Variants in COL5A1 observed in about 807,000 individuals in gnomAD.
The protein encoded by COL5A1 is collagen type V alpha 1 chain, also known as collagen alpha-1(V) chain.
A neutral mutation model predicts 263.7 loss-of-function variants in COL5A1; 16 were observed. The observed-to-expected ratio is 0.06, with a 90% CI of 0.04 to 0.09. The LOEUF is 0.09. Ranked by LOEUF, COL5A1 falls within the 10% of genes least tolerant of loss-of-function variation. The pLI is 1.00. For missense variants in COL5A1, 2,036 were observed against 2,540.5 expected, an observed-to-expected ratio of 0.80 and a Z score of 4.27; for synonymous variants, 1,012 against 1,004.5, an observed-to-expected ratio of 1.01 and a Z score of -0.14.
chr9:134,788,502 G>A (rs1361881839), intron 31 of COL5A1, among the ~76,000 whole-genome samples: 5 of 151,312 alleles, frequency 3.3e-5, no homozygotes, highest in Admixed American at 2.6e-4. Context: ...GTGAATGGAT[G>A]GGTGGGCAGG....
At chr9:134,803,694 T>A (rs1252403620) in intron 39 of COL5A1, among the ~76,000 whole-genome samples, 1 of 151,442 alleles carries the variant, frequency 6.6e-6, no homozygotes, top group South Asian at 2.1e-4. Flanking sequence ...TACAAAAAAA[T>A]TAGCTGGGTG....
rs186257908 is a variant in COL5A1, at chr9:134,805,239, C to A, written c.3258+25C>A. 354 of 1,613,322 alleles carry A rather than the reference C, an allele frequency of 2.2e-4. No individual in the cohort carries two copies. In the African/African-American group the frequency reaches 4.0e-3, roughly 18 times the overall value. The stretch of plus-strand genomic sequence containing the variant: ...GGTGAGTCAAAGCCTTTGTCCCATC[C>A]TCTTTCTTGAATCCTACTCTCCAGG... On this transcript the variant is annotated intron_variant, in intron 41 of 65. Coordinates refer to ENST00000371817, the MANE Select transcript of COL5A1 (RefSeq NM_000093.5).
chr9:134,722,955 G>T (rs1371549008), intron 4 of COL5A1, among the ~76,000 whole-genome samples: 1 of 152,168 alleles, frequency 6.6e-6, no homozygotes. Flanking sequence ...CGCTAATCAG[G>T]GCCCCACTCT....
rs529605293 is a variant in COL5A1 at position 134,652,927 on chromosome 9, G to T, written c.109+10631G>T. The stretch of plus-strand genomic sequence containing the variant: ...CTAACGAAGTCAGTTCCCAGACCAC[G>T]CGGATGCTGGAGCGTCTGGGGGTGC... On this transcript the variant is annotated intron_variant, in intron 1 of 65. Coordinates refer to ENST00000371817, the MANE Select transcript of COL5A1 (RefSeq NM_000093.5). This position sits in a 1 kb window ranked among gnomAD's most constrained non-coding sequence, Gnocchi z 4.4. 2 of 327,666 alleles carry T rather than the reference G, an allele frequency of 6.1e-6. No homozygotes were observed. The highest frequency in any genetic ancestry group is 1.2e-5 in the Non-Finnish European group (2 of 162,002). 20.3% of individuals were successfully genotyped at this position (327,666 alleles called of 1,614,324 possible). A position where few individuals can be genotyped will look rare whatever the true frequency, so the allele number is the denominator to read the frequency against.
chr9:134,687,299 C>G (rs1249749766), intron 1 of COL5A1, among the ~76,000 whole-genome samples: 1 of 152,208 alleles, frequency 6.6e-6, no homozygotes, highest in Non-Finnish European at 1.5e-5. Flanking sequence ...TGCAAAGGCA[C>G]CTGGGAAGTG....
chr9:134,720,520 C>T (rs1046673829), intron 4 of COL5A1, among the ~76,000 whole-genome samples: 2 of 152,196 alleles, frequency 1.3e-5, no homozygotes, highest in Admixed American at 6.5e-5. Flanking sequence ...AGACAGTGTG[C>T]GCCAGATTAT....
chr9:134,798,223 C>T (rs1837985312), intron 36 of COL5A1, among the ~76,000 whole-genome samples, 185 bp from the exon 37 acceptor site: 1 of 152,212 alleles, frequency 6.6e-6, no homozygotes, highest in Admixed American at 6.5e-5. Context: ...CGAGGACAGG[C>T]AGGAGCCAAG....
At chr9:134,744,438 C>A (rs560051743) in intron 11 of COL5A1, among the ~76,000 whole-genome samples, 1 of 152,204 alleles carries the variant, frequency 6.6e-6, no homozygotes, top group East Asian at 1.9e-4. Context: ...CACGCACACA[C>A]TCATGTGTAC....
At chr9:134,721,838 A>G (rs1177754387) in intron 4 of COL5A1, among the ~76,000 whole-genome samples, 4 of 152,200 alleles carry the variant, frequency 2.6e-5, no homozygotes, top group Non-Finnish European at 2.9e-5. Flanking sequence ...GGGGTCCTGC[A>G]GAGAAGCTCC....
intron 62 of COL5A1, among the ~76,000 whole-genome samples, chr9:134,825,563 G>A (rs2132886906): frequency 6.6e-6 from 1 of 152,266 alleles, no homozygotes; most frequent in South Asian, 2.1e-4. Flanking sequence ...GTACCCAGTT[G>A]CTTCATGCAC....
intron 2 of COL5A1, among the ~76,000 whole-genome samples, chr9:134,693,251 G>A (rs1242766826): frequency 2.0e-5 from 3 of 151,430 alleles, no homozygotes; most frequent in Admixed American, 6.6e-5. Flanking sequence ...AGGTTACCGT[G>A]ACACAGTGAA....
rs976256473 is a variant in COL5A1 at position 134,808,672 on chromosome 9, A to G, written c.3367-511A>G. On this transcript the variant is annotated intron_variant, in intron 42 of 65. Transcript: ENST00000371817. The stretch of plus-strand genomic sequence containing the variant: ...TACCTGTGTACATAGGCGTGTTCAC[A>G]TGTGTGCATGTATGCACATGTGTGT... Among the ~76,000 whole-genome samples the G allele has an allele frequency of 5.9e-5, 9 of 152,292 alleles. No homozygotes were observed. In the East Asian group the frequency reaches 1.7e-3, roughly 29 times the overall value.
chr9:134,828,578 T>TCACACAGATACACACCATACACCACACAC (rs1839400483), intron 63 of COL5A1, among the ~76,000 whole-genome samples: 1 of 17,480 alleles, frequency 5.7e-5, no homozygotes, highest in Non-Finnish European at 1.4e-4. Flanking sequence ...ACACACCACA[T>TCACACAGATACACACCATACACCACACAC]ATACCACACC....
intron 39 of COL5A1, 136 bp from the exon 40 acceptor site, chr9:134,804,839 C>G (rs575961370): frequency 4.7e-4 from 356 of 760,706 alleles, no homozygotes; most frequent in Middle Eastern, 1.8e-3. Context: ...CAACCCTTGG[C>G]CTCGCTCTGG....
intron 46 of COL5A1, among the ~76,000 whole-genome samples, chr9:134,811,981 T>TG (rs1424940879): frequency 2.0e-5 from 3 of 152,248 alleles, no homozygotes; most frequent in African/African-American, 7.2e-5. Context: ...TATTTGGTGT[T>TG]TGACAATGAA....
chr9:134,731,204 G>T (rs148806660), intron 7 of COL5A1, among the ~76,000 whole-genome samples: 1 of 152,194 alleles, frequency 6.6e-6, no homozygotes, highest in Admixed American at 6.5e-5. Flanking sequence ...ATGCATTATC[G>T]CAAGACCCTG....
Position 134,842,444 on chromosome 9 carries a change from C to G in COL5A1, c.*141C>G, listed in dbSNP as rs112503631. 1 of 1,045,926 alleles carries G rather than the reference C, an allele frequency of 9.6e-7. No individual in the cohort carries two copies. The highest frequency in any genetic ancestry group is 1.6e-5 in the African/African-American group (1 of 63,746). The allele number at this position is 1,045,926 out of a possible 1,614,324, so 64.8% of individuals were successfully genotyped here. On this transcript the variant is annotated 3_prime_UTR_variant, in exon 66 of 66. Coordinates refer to ENST00000371817, the MANE Select transcript of COL5A1 (RefSeq NM_000093.5). This position sits in a 1 kb window ranked among gnomAD's most constrained non-coding sequence, Gnocchi z 5.8. ...ACCTGACTTCATCTACGCCTCGGCA[C>G]CACGGGGTGTGGGACCCCAGCCCGG...
In COL5A1 at chr9:134,757,982, G is replaced by A. The variant is rs1205315285; in HGVS notation, c.1882-261G>A. 1.3e-5 allele frequency among the ~76,000 whole-genome samples: 2 copies of A among 152,214 alleles called. No individual in the cohort carries two copies. Among genetic ancestry groups the A allele is most frequent in the Non-Finnish European group, 2.9e-5 (2 of 68,040 alleles). ...GGTCGCTGAAATACCGCATGACTAAGGACCCGTCGGGGCCTGGGACTTGGG... is the reference window on the plus strand; with the variant it reads ...GGTCGCTGAAATACCGCATGACTAAAGACCCGTCGGGGCCTGGGACTTGGG... On this transcript the variant is annotated intron_variant, in intron 17 of 65. Coordinates refer to ENST00000371817, the MANE Select transcript of COL5A1 (RefSeq NM_000093.5). This position sits in a 1 kb window ranked among gnomAD's most constrained non-coding sequence, Gnocchi z 6.2.
In COL5A1 at chr9:134,731,603, C is replaced by T. The variant is rs758427503; in HGVS notation, c.1272C>T (p.Thr424=). ...ENYYDPYYDP[T]SSPSEIGPGM... ...ACTACGACCCCTACTACGACCCCAC[C>T]AGCTCCCCGTCGGAGATCGGGCCGG... Residue 424 remains threonine (T), a synonymous_variant, in exon 8 of 66, where the codon ACC becomes ACT. Transcript: ENST00000371817. The T allele has an allele frequency of 1.2e-6, 2 of 1,614,104 alleles. No individual in the cohort carries two copies. Among genetic ancestry groups the T allele is most frequent in the Admixed American group, 1.7e-5 (1 of 60,012 alleles).
Sources: allele counts gnomAD v4.1 joint callset (sites outside exome capture counted in the v4.1 genomes callset), GRCh38; gene constraint gnomAD v4.1.1; non-coding constraint Gnocchi (gnomAD v3.1); transcripts MANE v1.5; gene names NCBI Gene and HGNC (gene_info 2026-07-23, HGNC 2026-07-21).